RAB11FIP3: variants seen among roughly 807,000 people sequenced by gnomAD.
The protein encoded by RAB11FIP3 is RAB11 family interacting protein 3.
Under a neutral mutation model 77.8 loss-of-function variants are expected in RAB11FIP3, and 17 were observed. The ratio of observed to expected loss-of-function variants is 0.22; its 90% CI spans 0.15 to 0.33. The LOEUF is 0.33. Ranked by LOEUF, RAB11FIP3 falls within the 10% of genes least tolerant of loss-of-function variation. The probability of loss-of-function intolerance (pLI) is 1.00; values close to 1 mark genes in which losing one functional copy is unlikely to be tolerated. For missense variants in RAB11FIP3, 1,005 were observed against 1,011.2 expected, an observed-to-expected ratio of 0.99 and a Z score of 0.08; for synonymous variants, 437 against 448.2, an observed-to-expected ratio of 0.98 and a Z score of 0.31.
At chr16:452,053 G>A (rs956665467) in intron 1 of RAB11FIP3, among the ~76,000 whole-genome samples, 7 of 152,172 alleles carry the variant, frequency 4.6e-5, no homozygotes, top group Non-Finnish European at 1.0e-4. Context: ...GGAGGCTGAT[G>A]AGGGAGAATC....
In RAB11FIP3 at chr16:514,536, G is replaced by A. The variant is rs569579722; in HGVS notation, c.1640+3736G>A. On this transcript the variant is annotated intron_variant, in intron 9 of 13. Transcript: ENST00000262305. The surrounding 1 kb of genome is among the most constrained non-coding windows in gnomAD (Gnocchi z 4.6). ...TGAGAGTTAAAGCTGAAAGGGCATA[G>A]AGAAGATGGAGGAGTGGAGAGGCTG... Among the ~76,000 whole-genome samples the A allele has an allele frequency of 1.9e-4, 29 of 152,380 alleles. 1 individual carries two copies. Among genetic ancestry groups the A allele is most frequent in the African/African-American group, 6.0e-4 (25 of 41,592 alleles).
At chr16:447,053 C>T (rs1464976595) in intron 1 of RAB11FIP3, among the ~76,000 whole-genome samples, 1 of 151,960 alleles carries the variant, frequency 6.6e-6, no homozygotes, top group Non-Finnish European at 1.5e-5. Flanking sequence ...AGCTATAGTC[C>T]CAACACTTTG....
At chr16:500,725 GTAAA>G (rs1197319523) in intron 6 of RAB11FIP3, among the ~76,000 whole-genome samples, 5 of 116,894 alleles carry the variant, frequency 4.3e-5, no homozygotes, top group African/African-American at 1.0e-4. Context: ...AATTAAATAA[GTAAA>G]TAAATAAGCA....
intron 1 of RAB11FIP3, among the ~76,000 whole-genome samples, chr16:438,308 A>G (rs575955801): frequency 3.4e-5 from 5 of 147,428 alleles, no homozygotes; most frequent in South Asian, 2.2e-4. Context: ...GGGTTTCACT[A>G]TGTTGGCCAG....
intron 4 of RAB11FIP3, among the ~76,000 whole-genome samples, chr16:488,379 CA>C (rs929222885): frequency 2.7e-5 from 4 of 148,682 alleles, no homozygotes; most frequent in Non-Finnish European, 6.0e-5. Context: ...GACTCTGTCT[CA>C]AAAAAAAAGG....
At chr16:484,452 A>AG (rs1025878202) in intron 4 of RAB11FIP3, among the ~76,000 whole-genome samples, 15 of 151,538 alleles carry the variant, frequency 9.9e-5, no homozygotes, top group African/African-American at 3.6e-4. Flanking sequence ...CCCAGGTTCC[A>AG]GCGATTCTCC....
At chr16:445,831 G>C (rs2055306908) in intron 1 of RAB11FIP3, among the ~76,000 whole-genome samples, 1 of 152,168 alleles carries the variant, frequency 6.6e-6, no homozygotes, top group Non-Finnish European at 1.5e-5. Context: ...GCAAGAATGG[G>C]ACAGACCTGG....
rs1446846974 is a variant in RAB11FIP3 at position 507,963 on chromosome 16, C to T, written c.1499+2336C>T. Among the ~76,000 whole-genome samples, 1 of 152,274 alleles carries T rather than the reference C, an allele frequency of 6.6e-6. No individual in the cohort carries two copies. Among genetic ancestry groups the T allele is most frequent in the African/African-American group, 2.4e-5 (1 of 41,476 alleles). On this transcript the variant is annotated intron_variant, in intron 8 of 13. Coordinates refer to ENST00000262305, the MANE Select transcript of RAB11FIP3 (RefSeq NM_014700.4). The surrounding 1 kb of genome is among the most constrained non-coding windows in gnomAD (Gnocchi z 4.6). ...CCATTTGCTCTCTAGCTGTGCCGTA[C>T]AGCTGCCATCCTAGGAATTCCGAGT... is the stretch of plus-strand genomic sequence containing the variant.
intron 1 of RAB11FIP3, among the ~76,000 whole-genome samples, chr16:427,676 T>C (rs968545859): frequency 6.6e-6 from 1 of 152,236 alleles, no homozygotes; most frequent in Non-Finnish European, 1.5e-5. Context: ...ATTTTTTGTA[T>C]TTTGACTTCT....
At chr16:489,137 A>C in intron 5 of RAB11FIP3, 137 bp downstream of exon 5, 1 of 1,087,322 alleles carries the variant, frequency 9.2e-7, no homozygotes, top group Non-Finnish European at 1.3e-6. Context: ...AACCATATTC[A>C]AACATTTTAA....
At chr16:439,535 C>G (rs957050736) in intron 1 of RAB11FIP3, 2 of 152,340 alleles carry the variant, frequency 1.3e-5, no homozygotes, top group East Asian at 3.9e-4. Flanking sequence ...AGCTCTTCAG[C>G]CTTTAGGTCT....
At chr16:440,260 T>A (rs2055203143) in intron 1 of RAB11FIP3, among the ~76,000 whole-genome samples, 1 of 152,190 alleles carries the variant, frequency 6.6e-6, no homozygotes, top group Non-Finnish European at 1.5e-5. Flanking sequence ...GACAATAAAT[T>A]TCTGTGTTCC....
At chr16:462,758 ATCCCTTCCCCAGCACCG>A (rs2055634482) in intron 2 of RAB11FIP3, among the ~76,000 whole-genome samples, 1 of 61,620 alleles carries the variant, frequency 1.6e-5, no homozygotes, top group Non-Finnish European at 3.1e-5. Flanking sequence ...GCACCGCACC[ATCCCTTCCCCAGCACCG>A]TCCCTTCCCC....
At chr16:427,762 G>A (rs2054973827) in intron 1 of RAB11FIP3, among the ~76,000 whole-genome samples, 1 of 152,154 alleles carries the variant, frequency 6.6e-6, no homozygotes, top group Non-Finnish European at 1.5e-5. Flanking sequence ...TAAGAAAAGA[G>A]GTAAAATTGG....
At chr16:475,865 A>ATTTTTTTTTTTTT (rs1567378948) in intron 3 of RAB11FIP3, among the ~76,000 whole-genome samples, 1 of 151,660 alleles carries the variant, frequency 6.6e-6, no homozygotes, top group African/African-American at 2.4e-5. Context: ...TATTTTTTAA[A>ATTTTTTTTTTTTT]TTGTTTTTTG....
chr16:476,144 C>T (rs932977541), intron 3 of RAB11FIP3, among the ~76,000 whole-genome samples: 9 of 152,214 alleles, frequency 5.9e-5, no homozygotes, highest in African/African-American at 9.6e-5. Flanking sequence ...TGAGCCACTG[C>T]GTCTGGCCCT....
chr16:473,147 C>T (rs1263211504), intron 3 of RAB11FIP3, among the ~76,000 whole-genome samples: 1 of 152,198 alleles, frequency 6.6e-6, no homozygotes, highest in Non-Finnish European at 1.5e-5. Flanking sequence ...GCAGGGAAAC[C>T]TTGAGTGACG....
At chr16:438,430 G>A (rs2055167633) in intron 1 of RAB11FIP3, among the ~76,000 whole-genome samples, 1 of 126,438 alleles carries the variant, frequency 7.9e-6, no homozygotes, top group Non-Finnish European at 1.6e-5. Context: ...TTTTGAGACA[G>A]AGTCTTGTTC....
rs376415107 is a variant in RAB11FIP3, at chr16:519,821, A to G, written c.1790A>G (p.Lys597Arg). ...CGGCTCAGTGAAGAGCAGGAGAACA[A>G]GAGGAGAATGGGGGACAGGCTGAGT... ...TLRLSEEQEN[K>R]RRMGDRLSHE... The change falls in exon 11 of 14, where the codon AAG becomes AGG. Residue 597 changes from lysine to arginine, a missense_variant. Around this residue, in one of 4 missense-constraint regions of RAB11FIP3, gnomAD observed 433 missense variants for 436.1 expected, o/e 0.99. Transcript: ENST00000262305. The G allele has an allele frequency of 5.0e-6, 8 of 1,606,626 alleles. No homozygotes were observed. The African/African-American group carries it at 1.1e-4, about 21-fold the overall frequency.
Sources: gnomAD v4.1 joint callset for allele counts (sites outside exome capture counted in the v4.1 genomes callset) on GRCh38, gnomAD v4.1.1 for gene constraint, gnomAD v4.1.1 regional missense constraint, Gnocchi (gnomAD v3.1) non-coding constraint, MANE v1.5 for transcripts, NCBI Gene and HGNC (gene_info 2026-07-23, HGNC 2026-07-21) for gene names.